Variants in CORIN observed in about 807,000 individuals in gnomAD.
CORIN encodes the protein atrial natriuretic peptide-converting enzyme.
A neutral mutation model predicts 125.3 loss-of-function variants in CORIN; 117 were observed. The ratio of observed to expected loss-of-function variants is 0.93; its 90% CI spans 0.80 to 1.09. CORIN has a LOEUF of 1.09. Ranked by LOEUF, CORIN falls within the 50% of genes least tolerant of loss-of-function variation. CORIN has a pLI of 0.00. For missense variants in CORIN, 1,253 were observed against 1,306.7 expected (o/e 0.96, Z 0.63); for synonymous variants, 450 against 466.4 (o/e 0.96, Z 0.45).
intron 21 of CORIN, among the ~76,000 whole-genome samples, chr4:47,596,438 T>C (rs1721252442): frequency 6.6e-6 from 1 of 152,218 alleles, no homozygotes; most frequent in South Asian, 2.1e-4. Context: ...GACTTTTTAA[T>C]TTGGCATAGT....
chr4:47,773,573 C>G (rs1035327739), intron 3 of CORIN, among the ~76,000 whole-genome samples: 1 of 152,112 alleles, frequency 6.6e-6, no homozygotes, highest in African/African-American at 2.4e-5. Context: ...TATCATAAGT[C>G]AGAATCAAGT....
At chr4:47,676,813 A>G (rs1725039262) in intron 9 of CORIN, among the ~76,000 whole-genome samples, 1 of 152,232 alleles carries the variant, frequency 6.6e-6, no homozygotes, top group Admixed American at 6.5e-5. Context: ...GTTGAATTAT[A>G]CAGAAAGAAA....
chr4:47,690,250 C>T lies in CORIN; in HGVS notation c.913+2720G>A, dbSNP rs771858612. On this transcript the variant is annotated intron_variant, in intron 6 of 21. Coordinates refer to ENST00000273857, the MANE Select transcript of CORIN (RefSeq NM_006587.4). ...TGGACAAGGACAAGTCAAAGGCAGA[C>T]GAGCTGAAAGAAAAAGCATTAGATT... Among the ~76,000 whole-genome samples the T allele has an allele frequency of 1.1e-4, 17 of 152,250 alleles. No individual in the cohort carries two copies. In the East Asian group the frequency reaches 1.5e-3, roughly 14 times the overall value.
intron 20 of CORIN, among the ~76,000 whole-genome samples, chr4:47,603,193 T>A (rs1721514407): frequency 6.6e-6 from 1 of 152,112 alleles, no homozygotes. Flanking sequence ...AAGGGGCTTT[T>A]CCCCCTTTTG....
At chr4:47,721,459 G>A (rs1727347257) in intron 5 of CORIN, among the ~76,000 whole-genome samples, 1 of 152,060 alleles carries the variant, frequency 6.6e-6, no homozygotes. Flanking sequence ...AGAAGAGATG[G>A]GGTTTTGCCA....
intron 5 of CORIN, among the ~76,000 whole-genome samples, chr4:47,711,289 C>T (rs536925750): frequency 2.0e-5 from 3 of 152,328 alleles, no homozygotes; most frequent in East Asian, 3.9e-4. Flanking sequence ...ATGCACTCCC[C>T]GCGTTTTTCA....
chr4:47,639,576 T>C (rs1051084262), intron 16 of CORIN, among the ~76,000 whole-genome samples: 11 of 152,252 alleles, frequency 7.2e-5, no homozygotes, highest in Non-Finnish European at 1.6e-4. Context: ...AAAGGCAGGC[T>C]GGCATAAACT....
chr4:47,681,214 C>T (rs1234695132), intron 7 of CORIN: 2 of 152,098 alleles, frequency 1.3e-5, no homozygotes, highest in African/African-American at 4.8e-5. Context: ...CCGGAGTGAC[C>T]ATGGATCTTA....
At chr4:47,808,256 A>G (rs773766681) in intron 1 of CORIN, among the ~76,000 whole-genome samples, 71 of 152,216 alleles carry the variant, frequency 4.7e-4, no homozygotes, top group South Asian at 2.1e-4. Context: ...TCTTCCTCTT[A>G]ATAAATACCA....
intron 4 of CORIN, among the ~76,000 whole-genome samples, chr4:47,755,351 C>T (rs1448313056): frequency 6.6e-6 from 1 of 152,186 alleles, no homozygotes; most frequent in African/African-American, 2.4e-5. Flanking sequence ...CTAAGAACGG[C>T]CATGGTATGC....
chr4:47,673,616 G>A (rs1724871746), intron 10 of CORIN, among the ~76,000 whole-genome samples: 1 of 152,028 alleles, frequency 6.6e-6, no homozygotes, highest in South Asian at 2.1e-4. Flanking sequence ...CGCCCATTCT[G>A]TCTTCCCCAA....
At chr4:47,829,052 G>A (rs1200435105) in intron 1 of CORIN, among the ~76,000 whole-genome samples, 2 of 150,994 alleles carry the variant, frequency 1.3e-5, no homozygotes, top group Admixed American at 6.6e-5. Flanking sequence ...CAGCTACTCA[G>A]GAGGCTGAGG....
chr4:47,673,984 C>T (rs1189850257), intron 10 of CORIN, among the ~76,000 whole-genome samples: 1 of 152,100 alleles, frequency 6.6e-6, no homozygotes, highest in African/African-American at 2.4e-5. Context: ...AAAAACAGAA[C>T]AGATTGCCAA....
chr4:47,762,598 C>T (rs1285399558), intron 4 of CORIN, among the ~76,000 whole-genome samples: 1 of 152,140 alleles, frequency 6.6e-6, no homozygotes, highest in Non-Finnish European at 1.5e-5. Flanking sequence ...GCTCTGCCTC[C>T]CAGTGTTGAG....
chr4:47,657,736 G>T (rs1724060569), intron 12 of CORIN, among the ~76,000 whole-genome samples: 1 of 151,964 alleles, frequency 6.6e-6, no homozygotes, highest in Non-Finnish European at 1.5e-5. Flanking sequence ...ACAAGAGAGA[G>T]AGAGAGTTGG....
At chr4:47,777,942 T>G (rs1399794632) in intron 3 of CORIN, among the ~76,000 whole-genome samples, 1 of 152,234 alleles carries the variant, frequency 6.6e-6, no homozygotes, top group Non-Finnish European at 1.5e-5. Flanking sequence ...AAAGATTACA[T>G]ACAGTGCCAA....
chr4:47,761,488 C>T (rs1577899856), intron 4 of CORIN, among the ~76,000 whole-genome samples: 1 of 151,678 alleles, frequency 6.6e-6, no homozygotes, highest in Non-Finnish European at 1.5e-5. Flanking sequence ...GATACACACA[C>T]ACACACACAC....
chr4:47,833,660 G>T (rs1012324412), intron 1 of CORIN, among the ~76,000 whole-genome samples: 1 of 151,990 alleles, frequency 6.6e-6, no homozygotes, highest in African/African-American at 2.4e-5. Context: ...TCATATATCT[G>T]ATAAAGGATT....
chr4:47,737,953 T>A (rs566513860), intron 5 of CORIN, among the ~76,000 whole-genome samples: 1 of 151,858 alleles, frequency 6.6e-6, no homozygotes, highest in Non-Finnish European at 1.5e-5. Context: ...TTGACCTGAA[T>A]AAGAGCTTAC....
Sources: allele counts gnomAD v4.1 joint callset (sites outside exome capture counted in the v4.1 genomes callset), GRCh38; gene constraint gnomAD v4.1.1; transcripts MANE v1.5; gene names NCBI Gene and HGNC (gene_info 2026-07-23, HGNC 2026-07-21).